IL1RAPL2: variants seen among roughly 807,000 people sequenced by gnomAD.
The protein encoded by IL1RAPL2 is interleukin 1 receptor accessory protein like 2.
A neutral mutation model predicts 44.1 loss-of-function variants in IL1RAPL2; 3 were observed. The observed-to-expected ratio is 0.07, with a 90% CI of 0.03 to 0.18. The LOEUF (loss-of-function observed/expected upper bound fraction) is 0.18, where lower values mean the gene tolerates loss of function less well. IL1RAPL2 is among the 10% of genes least tolerant of loss of function. The pLI, the probability that IL1RAPL2 is intolerant of heterozygous loss-of-function variation, is 1.00. For missense variants in IL1RAPL2, 391 were observed against 496.4 expected, an observed-to-expected ratio of 0.79 and a Z score of 2.02; for synonymous variants, 181 against 178.8, an observed-to-expected ratio of 1.01 and a Z score of -0.10.
At chrX:105,461,710 C>T (rs778671565) in intron 5 of IL1RAPL2, among the ~76,000 whole-genome samples, 3 of 110,950 alleles carry the variant, frequency 2.7e-5, no homozygotes, top group Admixed American at 9.6e-5. Flanking sequence ...CAAAAATACA[C>T]TGCAATAGAA....
At chrX:105,624,083 A>G in intron 6 of IL1RAPL2, among the ~76,000 whole-genome samples, 1 of 111,337 alleles carries the variant, frequency 9.0e-6, no homozygotes, top group Non-Finnish European at 1.9e-5. Context: ...AGGATTTAAA[A>G]ATATTTTGAA....
chrX:105,645,396 A>G (rs969274344), intron 6 of IL1RAPL2, among the ~76,000 whole-genome samples: 2 of 112,130 alleles, frequency 1.8e-5, no homozygotes, highest in African/African-American at 6.5e-5. Context: ...CCTCTAATCA[A>G]ATAGTAAAAT....
intron 9 of IL1RAPL2, among the ~76,000 whole-genome samples, chrX:105,752,396 C>T (rs945759011): frequency 1.8e-5 from 2 of 112,303 alleles, no homozygotes; most frequent in African/African-American, 6.5e-5. Context: ...AAAGGACAGA[C>T]GTAACAATAG....
At chrX:104,595,233 C>T (rs1197991860) in intron 1 of IL1RAPL2, among the ~76,000 whole-genome samples, 4 of 110,862 alleles carry the variant, frequency 3.6e-5, no homozygotes, top group East Asian at 2.8e-4. Flanking sequence ...GACTTACAAT[C>T]GTATTTAATG....
rs190960797 is a variant in IL1RAPL2 at position 105,515,523 on chromosome X, T to A, written c.772+31136T>A. Among the ~76,000 whole-genome samples the A allele has an allele frequency of 6.3e-3, 692 of 110,257 alleles. 5 individuals carry two copies. The highest frequency in any genetic ancestry group is 0.03 in the South Asian group (76 of 2,562). ...AGACACTTAGACCTTAAAAAAAAAA[T>A]TTACCAACTGTCAGGTCAGGGATTG... On this transcript the variant is annotated intron_variant, in intron 6 of 10. Transcript: ENST00000372582.
intron 5 of IL1RAPL2, among the ~76,000 whole-genome samples, chrX:105,471,976 C>G (rs1035159937): frequency 9.0e-6 from 1 of 110,519 alleles, no homozygotes; most frequent in African/African-American, 3.3e-5. Flanking sequence ...AGTTTTCACA[C>G]CTGGGTTTCC....
At chrX:105,083,456 C>G (rs2032439891) in intron 2 of IL1RAPL2, among the ~76,000 whole-genome samples, 1 of 110,925 alleles carries the variant, frequency 9.0e-6, no homozygotes, top group African/African-American at 3.3e-5. Flanking sequence ...CAGAGAATAC[C>G]ACAAGATAGT....
chrX:105,414,833 T>G (rs1218297768), intron 5 of IL1RAPL2, among the ~76,000 whole-genome samples: 1 of 112,400 alleles, frequency 8.9e-6, no homozygotes, highest in African/African-American at 3.2e-5. Context: ...TAAAATTCTC[T>G]TTGAAAATGA....
intron 1 of IL1RAPL2, among the ~76,000 whole-genome samples, chrX:104,597,793 A>C (rs191975961): frequency 1.8e-5 from 2 of 112,010 alleles, no homozygotes; most frequent in Admixed American, 1.9e-4. Context: ...CAGAGGTGCC[A>C]ATCATGAGAG....
chrX:104,892,240 A>T (rs1923476797), intron 2 of IL1RAPL2, among the ~76,000 whole-genome samples: 1 of 111,606 alleles, frequency 9.0e-6, no homozygotes, highest in Admixed American at 9.5e-5. Flanking sequence ...CATCAAGGAT[A>T]TTGGTCTAAA....
chrX:105,526,636 A>G (rs752152276), intron 6 of IL1RAPL2, among the ~76,000 whole-genome samples: 7 of 111,599 alleles, frequency 6.3e-5, no homozygotes, highest in African/African-American at 1.9e-4. Context: ...GTTTGCTATT[A>G]TGGGCTTCAT....
intron 5 of IL1RAPL2, among the ~76,000 whole-genome samples, chrX:105,370,260 CA>C (rs1461764729): frequency 5.4e-4 from 60 of 111,437 alleles, no homozygotes; most frequent in Admixed American, 1.1e-3. Context: ...GGTGCACATG[CA>C]AATTTGTTAC....
chrX:105,154,730 ATTCT>A (rs2033255687), intron 2 of IL1RAPL2, among the ~76,000 whole-genome samples: 1 of 108,070 alleles, frequency 9.3e-6, no homozygotes, highest in East Asian at 2.9e-4. Context: ...TTTTTTCTTC[ATTCT>A]TTCTCTTTAT....
chrX:105,594,641 T>A (rs906122888), intron 6 of IL1RAPL2, among the ~76,000 whole-genome samples: 1 of 111,946 alleles, frequency 8.9e-6, no homozygotes, highest in Non-Finnish European at 1.9e-5. Context: ...AATTTATGCT[T>A]AACTATTCAT....
At chrX:104,828,053 C>G (rs2147627310) in intron 2 of IL1RAPL2, among the ~76,000 whole-genome samples, 1 of 111,690 alleles carries the variant, frequency 9.0e-6, no homozygotes, top group Non-Finnish European at 1.9e-5. Context: ...TCTTAGCTTT[C>G]TTGCATTGGG....
At chrX:105,572,186 C>T (rs1028452227) in intron 6 of IL1RAPL2, among the ~76,000 whole-genome samples, 3 of 111,344 alleles carry the variant, frequency 2.7e-5, no homozygotes, top group Non-Finnish European at 5.7e-5. Context: ...ATTCTGAATA[C>T]CCCTCCATGC....
intron 2 of IL1RAPL2, among the ~76,000 whole-genome samples, chrX:104,887,938 A>G (rs540444734): frequency 9.0e-6 from 1 of 111,639 alleles, no homozygotes; most frequent in Admixed American, 9.6e-5. Context: ...CGAGCCTTAG[A>G]ACTGCGAAAG....
At chrX:104,584,715 C>T (rs1348473847) in intron 1 of IL1RAPL2, among the ~76,000 whole-genome samples, 1 of 110,600 alleles carries the variant, frequency 9.0e-6, no homozygotes, top group Non-Finnish European at 1.9e-5. Flanking sequence ...CTCTATACAC[C>T]CACTGTGATC....
chrX:105,568,046 T>TA (rs1556355304), intron 6 of IL1RAPL2, among the ~76,000 whole-genome samples: 2 of 111,187 alleles, frequency 1.8e-5, no homozygotes, highest in Non-Finnish European at 3.8e-5. Flanking sequence ...ATAGGAGAGA[T>TA]AATTGAACTG....
Sources: gnomAD v4.1 joint callset for allele counts (sites outside exome capture counted in the v4.1 genomes callset) on GRCh38, gnomAD v4.1.1 for gene constraint, MANE v1.5 for transcripts, NCBI Gene and HGNC (gene_info 2026-07-23, HGNC 2026-07-21) for gene names.